EPB41L2: variants seen among roughly 807,000 people sequenced by gnomAD.
EPB41L2 encodes the protein erythrocyte membrane protein band 4.1 like 2.
A neutral mutation model predicts 113.0 loss-of-function variants in EPB41L2; 43 were observed. The observed-to-expected ratio is 0.38, with a 90% confidence interval of 0.30 to 0.49. The LOEUF is 0.49. Among genes scored for constraint, EPB41L2 ranks in the 20% least tolerant of loss-of-function variants. The probability of loss-of-function intolerance (pLI) is 0.95; values close to 1 mark genes in which losing one functional copy is unlikely to be tolerated. For missense variants in EPB41L2, 1,147 were observed against 1,223.4 expected (o/e 0.94, Z 0.93); for synonymous variants, 442 against 436.7 (o/e 1.01, Z -0.15).
At chr6:131,020,305 T>G (rs1473195151) in intron 1 of EPB41L2, among the ~76,000 whole-genome samples, 2 of 152,176 alleles carry the variant, frequency 1.3e-5, no homozygotes, top group Non-Finnish European at 1.5e-5. Flanking sequence ...ATTATTGGTG[T>G]TTTTTCTATT....
chr6:130,867,012 A>G (rs1482268488), intron 16 of EPB41L2, among the ~76,000 whole-genome samples: 4 of 152,122 alleles, frequency 2.6e-5, no homozygotes, highest in African/African-American at 9.7e-5. Context: ...TATTACAAGC[A>G]AGAATGAGTT....
At chr6:131,004,612 C>A (rs1470939086) in intron 1 of EPB41L2, among the ~76,000 whole-genome samples, 1 of 152,180 alleles carries the variant, frequency 6.6e-6, no homozygotes, top group Non-Finnish European at 1.5e-5. Context: ...AAGAAGTGCA[C>A]CCTCCATTCA....
chr6:131,003,290 A>G (rs957581845), intron 1 of EPB41L2, among the ~76,000 whole-genome samples: 4 of 152,254 alleles, frequency 2.6e-5, no homozygotes, highest in Admixed American at 2.6e-4. Context: ...GTAGCATACA[A>G]AGATAAAAAC....
At chr6:131,058,861 C>T (rs989199937) in intron 1 of EPB41L2, among the ~76,000 whole-genome samples, 3 of 152,068 alleles carry the variant, frequency 2.0e-5, no homozygotes, top group African/African-American at 7.2e-5. Flanking sequence ...ACTAAAAATA[C>T]AAAAATTAGC....
intron 3 of EPB41L2, among the ~76,000 whole-genome samples, chr6:130,947,258 T>C (rs903787704): frequency 4.6e-5 from 7 of 152,130 alleles, no homozygotes; most frequent in African/African-American, 1.7e-4. Flanking sequence ...TATCACCTCA[T>C]GACTTCCTGC....
intron 1 of EPB41L2, among the ~76,000 whole-genome samples, chr6:130,963,416 T>C (rs1774129489): frequency 6.6e-6 from 1 of 152,196 alleles, no homozygotes; most frequent in South Asian, 2.1e-4. Flanking sequence ...AATACTTGAG[T>C]TAATATTAGT....
chr6:131,001,372 G>A (rs1784351719), intron 1 of EPB41L2, among the ~76,000 whole-genome samples: 1 of 152,150 alleles, frequency 6.6e-6, no homozygotes, highest in Non-Finnish European at 1.5e-5. Flanking sequence ...CAGGCAAGCA[G>A]TCAGTCAAAA....
chr6:130,872,285 G>C (rs2128452462), intron 14 of EPB41L2: 2 of 1,057,714 alleles, frequency 1.9e-6, no homozygotes, highest in South Asian at 1.8e-5. Context: ...GAAAGCACTG[G>C]AGGGAATGGT....
intron 8 of EPB41L2, among the ~76,000 whole-genome samples, chr6:130,898,644 A>T (rs1795355692): frequency 6.6e-6 from 1 of 151,978 alleles, no homozygotes; most frequent in East Asian, 1.9e-4. Flanking sequence ...TATGAACAGG[A>T]TTTGTCTATT....
chr6:130,880,271 C>G, intron 12 of EPB41L2, 65 bp from the exon 13 acceptor site: 1 of 1,151,370 alleles, frequency 8.7e-7, no homozygotes, highest in East Asian at 2.4e-5. Flanking sequence ...AATCAGCAAG[C>G]ACCAAAATGA....
chr6:130,919,761 T>A (rs980229336), intron 4 of EPB41L2, among the ~76,000 whole-genome samples: 1 of 152,202 alleles, frequency 6.6e-6, no homozygotes, highest in Non-Finnish European at 1.5e-5. Context: ...ACACTAAGGT[T>A]GCTAATGGCA....
intron 12 of EPB41L2, chr6:130,880,718 G>T (rs767446958): frequency 2.0e-5 from 8 of 405,058 alleles, no homozygotes; most frequent in Non-Finnish European, 1.3e-5. Context: ...GAGGATGGAA[G>T]CTTCACTCTT....
At position 130,899,213 on chromosome 6, in the gene EPB41L2, G is replaced by A. The variant is rs577780044; in HGVS notation, c.1236+278C>T. 2.8e-4 allele frequency among the ~76,000 whole-genome samples: 42 copies of A among 148,770 alleles called. No homozygotes were observed. The South Asian group carries it at 8.2e-3, about 29-fold the overall frequency. On this transcript the variant is annotated intron_variant, in intron 8 of 19. Coordinates refer to ENST00000337057, the MANE Select transcript of EPB41L2 (RefSeq NM_001431.4). ...CAATGCAAAATAAACCAGGATAAGC[G>A]GTGAAAAAAAAAAGGCTGACAAGGT...
chr6:130,925,238 G>C (rs1343353122), intron 4 of EPB41L2, among the ~76,000 whole-genome samples: 1 of 144,516 alleles, frequency 6.9e-6, no homozygotes, highest in African/African-American at 2.7e-5. Context: ...ATCCAGGCTG[G>C]AGTGCAGTGG....
chr6:130,995,531 C>A (rs1782886737), intron 1 of EPB41L2, among the ~76,000 whole-genome samples: 2 of 152,130 alleles, frequency 1.3e-5, no homozygotes, highest in Admixed American at 1.3e-4. Context: ...ATGTATAAAA[C>A]CAAACTGTGC....
intron 14 of EPB41L2, among the ~76,000 whole-genome samples, chr6:130,871,439 A>G (rs1457355544): frequency 6.6e-6 from 1 of 152,194 alleles, no homozygotes; most frequent in Non-Finnish European, 1.5e-5. Flanking sequence ...AGCCCTCTGG[A>G]TATTGTTGTG....
intron 19 of EPB41L2, among the ~76,000 whole-genome samples, 181 bp from the exon 20 acceptor site, chr6:130,840,779 C>T (rs1440245071): frequency 9.2e-5 from 14 of 152,066 alleles, no homozygotes; most frequent in African/African-American, 1.7e-4. Context: ...ATTCCACTCT[C>T]GAGGGCCTTA....
intron 1 of EPB41L2, among the ~76,000 whole-genome samples, chr6:131,053,497 T>C (rs1363340554): frequency 2.1e-5 from 3 of 140,110 alleles, no homozygotes; most frequent in Non-Finnish European, 4.6e-5. Flanking sequence ...GAAGAAAAGC[T>C]CCCTGCTTCT....
rs148827865 is a variant in EPB41L2 at position 130,949,779 on chromosome 6, A to G, written c.705+5326T>C. Among the ~76,000 whole-genome samples, 210 of 152,210 alleles carry G rather than the reference A, an allele frequency of 1.4e-3. 2 individuals are homozygous for G. The highest frequency in any genetic ancestry group is 4.7e-3 in the African/African-American group (196 of 41,554). On this transcript the variant is annotated intron_variant, in intron 3 of 19. Coordinates refer to ENST00000337057, the MANE Select transcript of EPB41L2 (RefSeq NM_001431.4). Reference sequence around the variant, plus strand: ...CTTCCACCAAGAAACAGACAGCAAGACCAGTCCCTCCTCTTCCTCCTCCTC... The same window carrying G: ...CTTCCACCAAGAAACAGACAGCAAGGCCAGTCCCTCCTCTTCCTCCTCCTC...
Sources: allele counts gnomAD v4.1 joint callset (sites outside exome capture counted in the v4.1 genomes callset), GRCh38; gene constraint gnomAD v4.1.1; transcripts MANE v1.5; gene names NCBI Gene and HGNC (gene_info 2026-07-23, HGNC 2026-07-21).